Variants in TACC2 observed in about 807,000 individuals in gnomAD.
TACC2 encodes transforming acidic coiled-coil containing protein 2, also known as transforming acidic coiled-coil-containing protein 2.
TACC2 carries 137 observed loss-of-function variants against 227.3 expected under a neutral mutation model. The observed-to-expected ratio is 0.60, with a 90% confidence interval of 0.52 to 0.69. The LOEUF is 0.69. Ranked by LOEUF, TACC2 falls within the 30% of genes least tolerant of loss-of-function variation. The pLI, the probability that TACC2 is intolerant of heterozygous loss-of-function variation, is 0.00. For synonymous variants in TACC2, 1,523 were observed against 1,487.5 expected, an observed-to-expected ratio of 1.02 and a Z score of -0.55; for missense variants, 3,470 against 3,694.4, an observed-to-expected ratio of 0.94 and a Z score of 1.57.
At chr10:122,133,915 C>T (rs1041894707) in intron 6 of TACC2, among the ~76,000 whole-genome samples, 5 of 152,100 alleles carry the variant, frequency 3.3e-5, no homozygotes, top group South Asian at 4.2e-4. Context: ...GGAATGGTGG[C>T]GACTTGAACC....
intron 2 of TACC2, among the ~76,000 whole-genome samples, chr10:122,027,634 A>C (rs1227608625): frequency 1.3e-5 from 2 of 152,182 alleles, no homozygotes; most frequent in African/African-American, 4.8e-5. Context: ...AATCAGGTAC[A>C]GTGAGTCTTC....
chr10:122,093,288 G>A (rs955449143), intron 5 of TACC2, among the ~76,000 whole-genome samples: 1 of 152,104 alleles, frequency 6.6e-6, no homozygotes, highest in Non-Finnish European at 1.5e-5. Flanking sequence ...CATTAAGGAA[G>A]CCCTGGCTGG....
chr10:122,039,689 C>T, intron 2 of TACC2, among the ~76,000 whole-genome samples: 1 of 152,194 alleles, frequency 6.6e-6, no homozygotes, highest in East Asian at 1.9e-4. Context: ...TTTTTGAAAA[C>T]AATTAATTGC....
At chr10:122,055,298 G>T (rs2076117730) in intron 3 of TACC2, among the ~76,000 whole-genome samples, 1 of 152,150 alleles carries the variant, frequency 6.6e-6, no homozygotes, top group African/African-American at 2.4e-5. Flanking sequence ...CACGTGTGGG[G>T]TAGAGCACAG....
Position 122,083,191 on chromosome 10 carries a change from G to A in TACC2, c.691G>A (p.Ala231Thr). 1.2e-6 allele frequency: 2 copies of A among 1,613,412 alleles called. No individual in the cohort carries two copies. The highest frequency in any genetic ancestry group is 8.5e-7 in the Non-Finnish European group (1 of 1,180,016). Residue 231 changes from alanine to threonine, a missense_variant, in exon 4 of 23, where the codon GCA (alanine) becomes ACA (threonine). Around this residue, in one of 10 missense-constraint regions of TACC2, gnomAD observed 405 missense variants for 389.6 expected, o/e 1.04. Coordinates refer to ENST00000369005, the MANE Select transcript of TACC2 (RefSeq NM_206862.4). ...TTTTGAGTCCCAAGAGAAAGAGGCT[G>A]CAGGTGGCTTTCCCCCTGCAGAGTC... ...GGFESQEKEA[A>T]GGFPPAESRQ...
intron 5 of TACC2, among the ~76,000 whole-genome samples, chr10:122,119,285 T>C (rs1171795978): frequency 6.6e-6 from 1 of 152,240 alleles, no homozygotes; most frequent in Non-Finnish European, 1.5e-5. Context: ...TTAATGAACT[T>C]GCCTAGGGCT....
At chr10:122,091,750 C>CGGAA (rs2080848671) in intron 5 of TACC2, among the ~76,000 whole-genome samples, 1 of 152,094 alleles carries the variant, frequency 6.6e-6, no homozygotes, top group Non-Finnish European at 1.5e-5. Context: ...AGGGGCTGTA[C>CGGAA]TTCCTAGGAG....
At chr10:122,037,884 G>T (rs1756630105) in intron 2 of TACC2, among the ~76,000 whole-genome samples, 1 of 152,020 alleles carries the variant, frequency 6.6e-6, no homozygotes, top group African/African-American at 2.4e-5. Flanking sequence ...GAGGCCAGAG[G>T]CTCCCAGGTG....
In TACC2 at chr10:122,194,962, T is replaced by A; in HGVS notation, c.5835-78T>A. The A allele has an allele frequency of 6.8e-7, 1 of 1,479,768 alleles. No individual in the cohort carries two copies. The highest frequency in any genetic ancestry group is 9.2e-7 in the Non-Finnish European group (1 of 1,088,846). The allele number at this position is 1,479,768 out of a possible 1,614,324, so 91.7% of individuals were successfully genotyped here. ...GCAGCGAGCCAGAACCCACTGGCTC[T>A]GGGTGCGAAGGCCACACCGGCTCAG... is the stretch of plus-strand genomic sequence containing the variant. On this transcript the variant is annotated intron_variant, in intron 7 of 22. Transcript: ENST00000369005. This position sits in a 1 kb window ranked among gnomAD's most constrained non-coding sequence, Gnocchi z 4.4.
intron 5 of TACC2, among the ~76,000 whole-genome samples, chr10:122,098,120 G>A (rs2081681739): frequency 6.6e-6 from 1 of 152,298 alleles, no homozygotes; most frequent in Admixed American, 6.5e-5. Context: ...CAGCACACAC[G>A]TGAGGAGTCA....
intron 21 of TACC2, 66 bp from the exon 22 acceptor site, chr10:122,249,478 G>A: frequency 1.9e-6 from 3 of 1,579,926 alleles, no homozygotes; most frequent in Non-Finnish European, 2.6e-6. Flanking sequence ...GCCTGGACCT[G>A]GGAAGCAGGA....
chr10:122,006,607 T>G (rs114795184), intron 1 of TACC2, among the ~76,000 whole-genome samples: 1 of 152,098 alleles, frequency 6.6e-6, no homozygotes, highest in Non-Finnish European at 1.5e-5. Context: ...ATTGATTGTT[T>G]TGGGTTAATT....
intron 19 of TACC2, among the ~76,000 whole-genome samples, chr10:122,242,519 T>C (rs2096018945): frequency 1.3e-5 from 2 of 152,164 alleles, no homozygotes; most frequent in South Asian, 2.1e-4. Context: ...CTCACTGAGA[T>C]TGGACGCTGC....
chr10:122,040,575 C>G (rs1017157969), intron 2 of TACC2, among the ~76,000 whole-genome samples: 1 of 152,156 alleles, frequency 6.6e-6, no homozygotes, highest in African/African-American at 2.4e-5. Flanking sequence ...TTACCACTCT[C>G]TGGAGTTCCG....
intron 7 of TACC2, among the ~76,000 whole-genome samples, chr10:122,155,982 C>T (rs1244550085): frequency 8.1e-4 from 123 of 151,470 alleles, no homozygotes; most frequent in African/African-American, 2.6e-3. Flanking sequence ...GGACTACAGG[C>T]GCCCGCCACC....
intron 8 of TACC2, among the ~76,000 whole-genome samples, chr10:122,203,373 C>T (rs2094952394): frequency 6.8e-6 from 1 of 147,718 alleles, no homozygotes; most frequent in Non-Finnish European, 1.5e-5. Flanking sequence ...GGGGCTGACC[C>T]CCCCACCTCC....
chr10:122,188,685 A>G (rs4752666), intron 7 of TACC2, among the ~76,000 whole-genome samples: 100,246 of 152,168 alleles, frequency 0.66, 34,131 homozygotes, highest in East Asian at 0.84. Flanking sequence ...CTCAATCTGC[A>G]GTGCTCTTTC....
At chr10:122,071,925 T>A (rs1339509234) in intron 3 of TACC2, among the ~76,000 whole-genome samples, 1 of 147,070 alleles carries the variant, frequency 6.8e-6, no homozygotes, top group African/African-American at 2.5e-5. Context: ...TTGTGTAGGA[T>A]ACTTTGGGGT....
chr10:122,087,847 C>T lies in TACC2; in HGVS notation c.5347C>T (p.Arg1783Cys), dbSNP rs369320771. ...GGCTAAGGAGCAGCCAGGGCCTGAG[C>T]GCCCCATTCCAGCTGGGGATGGGAA... ...QQAKEQPGPE[R>C]PIPAGDGKVC... Residue 1783 changes from arginine to cysteine, a missense_variant, in exon 4 of 23, where the codon CGC becomes TGC. Arg to Cys is a radical substitution (Grantham distance 180). Around this residue, in one of 10 missense-constraint regions of TACC2, gnomAD observed 1,924 missense variants for 1,978.3 expected, o/e 0.97. Transcript: ENST00000369005. 22 of 1,526,650 alleles carry T rather than the reference C, an allele frequency of 1.4e-5. No homozygotes were observed. Among genetic ancestry groups the T allele is most frequent in the Middle Eastern group, 1.8e-4 (1 of 5,666 alleles). The allele number at this position is 1,526,650 out of a possible 1,614,324, so 94.6% of individuals were successfully genotyped here.
Sources: allele counts gnomAD v4.1 joint callset (sites outside exome capture counted in the v4.1 genomes callset), GRCh38; gene constraint gnomAD v4.1.1; regional missense constraint gnomAD v4.1.1; non-coding constraint Gnocchi (gnomAD v3.1); transcripts MANE v1.5; gene names NCBI Gene and HGNC (gene_info 2026-07-23, HGNC 2026-07-21).